Variants in RGS3 observed in about 807,000 individuals in gnomAD.
RGS3 encodes the protein regulator of G-protein signalling 3.
RGS3 carries 80 observed loss-of-function variants against 132.6 expected under a neutral mutation model. The ratio of observed to expected loss-of-function variants is 0.60; its 90% CI spans 0.50 to 0.73. RGS3 has a LOEUF of 0.73. Among genes scored for constraint, RGS3 ranks in the 30% least tolerant of loss-of-function variants. RGS3 has a pLI of 0.00. For synonymous variants in RGS3, 598 were observed against 620.6 expected, an observed-to-expected ratio of 0.96 and a Z score of 0.54; for missense variants, 1,382 against 1,530.8, an observed-to-expected ratio of 0.90 and a Z score of 1.62.
At chr9:113,536,241 G>C (rs909894965) in intron 18 of RGS3, among the ~76,000 whole-genome samples, 1 of 152,214 alleles carries the variant, frequency 6.6e-6, no homozygotes, top group African/African-American at 2.4e-5. Context: ...GCTGCAGAGG[G>C]CCACATGACT....
chr9:113,531,760 C>T (rs1832477197), intron 18 of RGS3, among the ~76,000 whole-genome samples: 1 of 152,162 alleles, frequency 6.6e-6, no homozygotes, highest in African/African-American at 2.4e-5. Context: ...CCTCCTGGGG[C>T]CAGTGACATA....
intron 14 of RGS3, 133 bp downstream of exon 12, chr9:113,508,713 G>T: frequency 1.2e-6 from 1 of 818,280 alleles, no homozygotes; most frequent in Non-Finnish European, 2.0e-6. Flanking sequence ...TATCGACACA[G>T]ACTCTCTTTC....
chr9:113,595,127 C>T, intron 23 of RGS3, 147 bp downstream of exon 21: 1 of 757,772 alleles, frequency 1.3e-6, no homozygotes, highest in Non-Finnish European at 2.2e-6. Flanking sequence ...GGGGCTGAGC[C>T]CAAGCTGAGG....
intron 1 of RGS3, among the ~76,000 whole-genome samples, chr9:113,450,210 A>G (rs1225074932): frequency 1.3e-5 from 2 of 152,168 alleles, no homozygotes; most frequent in African/African-American, 4.8e-5. Context: ...TTGGGACTAC[A>G]GGCACATGCC....
chr9:113,570,164 T>A (rs1430643277), intron 19 of RGS3: 3 of 152,192 alleles, frequency 2.0e-5, no homozygotes, highest in Non-Finnish European at 4.4e-5. Context: ...TTAAATGAGA[T>A]AATAGCTGTA....
intron 19 of RGS3, among the ~76,000 whole-genome samples, chr9:113,549,107 T>C (rs1833227742): frequency 6.6e-6 from 1 of 152,176 alleles, no homozygotes; most frequent in Non-Finnish European, 1.5e-5. Context: ...GACCTTTCCC[T>C]GCCCCTCCCC....
chr9:113,525,967 C>G lies in RGS3; in HGVS notation c.1870+2926C>G, dbSNP rs556925079. Among the ~76,000 whole-genome samples, 9 of 152,364 alleles carry G rather than the reference C, an allele frequency of 5.9e-5. 1 individual carries two copies. The South Asian group carries it at 1.9e-3, about 32-fold the overall frequency. On this transcript the variant is annotated intron_variant, in intron 17 of 24. Coordinates refer to ENST00000350696, the Ensembl canonical transcript of RGS3. ...CTGGCCCCGTCCTGCCCAGCCTCCC[C>G]TAGGCTTCAGCAGGGCTGAATGGCA...
chr9:113,525,098 G>A (rs1832144277), intron 17 of RGS3, among the ~76,000 whole-genome samples: 2 of 152,188 alleles, frequency 1.3e-5, no homozygotes, highest in African/African-American at 2.4e-5. Flanking sequence ...CACCATGGAC[G>A]GAAGAGCCCC....
rs901650563 is a variant in RGS3, at chr9:113,565,676, G to A, written c.2038-17774G>A. 13 of 277,232 alleles carry A rather than the reference G, an allele frequency of 4.7e-5. No homozygotes were observed. Among genetic ancestry groups the A allele is most frequent in the African/African-American group, 2.7e-4 (12 of 44,876 alleles). 17.2% of individuals were successfully genotyped at this position (277,232 alleles called of 1,614,324 possible). A position where few individuals can be genotyped will look rare whatever the true frequency, so the allele number is the denominator to read the frequency against. On this transcript the variant is annotated intron_variant, in intron 19 of 24. Transcript: ENST00000350696. The surrounding 1 kb of genome is among the most constrained non-coding windows in gnomAD (Gnocchi z 5.7). Reference sequence around the variant, plus strand: ...GAGCCGGGTGGAAACCTGGGCGGGCGAGCTGGCAGGAGCGGCAGCCAGGAG... The same window carrying A: ...GAGCCGGGTGGAAACCTGGGCGGGCAAGCTGGCAGGAGCGGCAGCCAGGAG...
chr9:113,576,942 T>C (rs565003153), intron 19 of RGS3, among the ~76,000 whole-genome samples: 60 of 152,206 alleles, frequency 3.9e-4, no homozygotes, highest in African/African-American at 1.3e-3. Flanking sequence ...ATGGAGAGAG[T>C]AGAAACATTC....
At chr9:113,495,408 C>T (rs759337560) in intron 7 of RGS3, among the ~76,000 whole-genome samples, 18 of 152,198 alleles carry the variant, frequency 1.2e-4, no homozygotes, top group Non-Finnish European at 2.4e-4. Flanking sequence ...CATAACTGTT[C>T]TCCTCCACTG....
intron 19 of RGS3, among the ~76,000 whole-genome samples, chr9:113,572,277 A>G (rs1260147028): frequency 1.3e-5 from 2 of 152,004 alleles, no homozygotes; most frequent in African/African-American, 4.8e-5. Context: ...GCCAAGGGAG[A>G]TAAGAGAAAG....
intron 19 of RGS3, among the ~76,000 whole-genome samples, chr9:113,569,578 T>TTTCCTTCCTTCTTTCCTTCC (rs1834176306): frequency 2.2e-5 from 2 of 88,958 alleles, no homozygotes; most frequent in East Asian, 6.9e-4. Context: ...TCTTTCCTTC[T>TTTCCTTCCTTCTTTCCTTCC]TTCCTTCCTT....
At chr9:113,594,346 C>G in intron 21 of RGS3, 84 bp from the exon 20 acceptor site, 1 of 1,593,886 alleles carries the variant, frequency 6.3e-7, no homozygotes, top group Non-Finnish European at 8.6e-7. Context: ...GGAGTAGGTG[C>G]CCTCGACCCA....
intron 19 of RGS3, among the ~76,000 whole-genome samples, chr9:113,538,538 C>T (rs745405557): frequency 1.1e-4 from 17 of 152,146 alleles, no homozygotes; most frequent in Non-Finnish European, 1.9e-4. Context: ...CTTCTCAATA[C>T]CTTGGAGAAT....
At chr9:113,505,318 G>T (rs1207341729) in intron 10 of RGS3, 124 bp from the exon 9 acceptor site, 2 of 771,032 alleles carry the variant, frequency 2.6e-6, no homozygotes, top group Admixed American at 2.1e-5. Flanking sequence ...TAGCTCCTTT[G>T]TGCCTCCAGT....
At chr9:113,484,414 G>A (rs1588149530) in intron 6 of RGS3, among the ~76,000 whole-genome samples, 182 bp downstream of exon 4, 1 of 150,594 alleles carries the variant, frequency 6.6e-6, no homozygotes, top group East Asian at 2.0e-4. Context: ...TTGTGTCCTT[G>A]CATCCCTGGC....
intron 19 of RGS3, among the ~76,000 whole-genome samples, chr9:113,577,987 C>T (rs1834610414): frequency 6.6e-6 from 1 of 152,250 alleles, no homozygotes; most frequent in Non-Finnish European, 1.5e-5. Context: ...GGATGCAGAA[C>T]TATTCCATGA....
chr9:113,468,276 C>A (rs1423357076), intron 3 of RGS3, among the ~76,000 whole-genome samples: 1 of 152,090 alleles, frequency 6.6e-6, no homozygotes, highest in East Asian at 1.9e-4. Context: ...TGTGGCTATC[C>A]AGTTGTCCCA....
Sources: gnomAD v4.1 joint callset for allele counts (sites outside exome capture counted in the v4.1 genomes callset) on GRCh38, gnomAD v4.1.1 for gene constraint, Gnocchi (gnomAD v3.1) non-coding constraint, MANE v1.5 for transcripts, NCBI Gene and HGNC (gene_info 2026-07-23, HGNC 2026-07-21) for gene names.